CDC45: variants seen among roughly 807,000 people sequenced by gnomAD.
The protein encoded by CDC45 is cell division control protein 45 homolog.
CDC45 carries 54 observed loss-of-function variants against 77.8 expected under a neutral mutation model. The ratio of observed to expected loss-of-function variants is 0.69; its 90% CI spans 0.56 to 0.87. CDC45 has a LOEUF of 0.87. Among genes scored for constraint, CDC45 ranks in the 40% least tolerant of loss-of-function variants. CDC45 has a pLI of 0.00. For missense variants in CDC45, 649 were observed against 721.6 expected, an observed-to-expected ratio of 0.90 and a Z score of 1.15; for synonymous variants, 260 against 272.1, an observed-to-expected ratio of 0.96 and a Z score of 0.44.
At chr22:19,519,700 G>A (rs747360101) in intron 18 of CDC45, among the ~76,000 whole-genome samples, 20 of 152,180 alleles carry the variant, frequency 1.3e-4, no homozygotes, top group Admixed American at 9.2e-4. Flanking sequence ...CCATCCGTCC[G>A]TCCATCCATC....
chr22:19,492,008 G>A (rs556437278), intron 5 of CDC45, among the ~76,000 whole-genome samples: 1 of 152,154 alleles, frequency 6.6e-6, no homozygotes, highest in East Asian at 1.9e-4. Flanking sequence ...GTTTTTCCAT[G>A]TTGGCCAGGC....
intron 3 of CDC45, 76 bp from the exon 4 acceptor site, chr22:19,482,614 C>G: frequency 6.7e-6 from 10 of 1,485,384 alleles, no homozygotes; most frequent in Non-Finnish European, 9.2e-6. Flanking sequence ...TTAAGCAGAA[C>G]AACTCAGAGG....
chr22:19,487,429 A>C (rs2090087970), intron 5 of CDC45, among the ~76,000 whole-genome samples: 1 of 151,456 alleles, frequency 6.6e-6, no homozygotes, highest in Non-Finnish European at 1.5e-5. Context: ...GGGAGGCTAG[A>C]GTGGGAGGAT....
Position 19,497,388 on chromosome 22 carries a change from A to G in CDC45, c.594A>G (p.Ser198=), listed in dbSNP as rs750671131. The change falls in exon 8 of 19, where the codon TCA becomes TCG. Residue 198 remains serine (S), a splice_region_variant and synonymous_variant. Coordinates refer to ENST00000263201, the MANE Select transcript of CDC45 (RefSeq NM_003504.5). ...YEQYEYHGTS[S]AMVMFELAWM... Reference sequence around the variant, plus strand: ...TAGACTTCTCTGCTTCCTTACAGTCAGCCATGGTGATGTTTGAGCTGGCTT... The same window carrying G: ...TAGACTTCTCTGCTTCCTTACAGTCGGCCATGGTGATGTTTGAGCTGGCTT... The G allele has an allele frequency of 1.2e-6, 2 of 1,613,956 alleles. No homozygotes were observed. Among genetic ancestry groups the G allele is most frequent in the African/African-American group, 2.7e-5 (2 of 74,934 alleles).
rs913329845 is a variant in CDC45 at position 19,494,363 on chromosome 22, C to T, written c.523C>T (p.Arg175Ter). 7.4e-6 allele frequency: 12 copies of T among 1,613,366 alleles called. No individual in the cohort carries two copies. The highest frequency in any genetic ancestry group is 4.0e-5 in the African/African-American group (3 of 75,004). Reference sequence around the variant, plus strand: ...GCAAACCATGCGGAGGAGGCAGCGGCGAGAGTGGGAGGCCCGGAGGTGAGT... The same window carrying T: ...GCAAACCATGCGGAGGAGGCAGCGGTGAGAGTGGGAGGCCCGGAGGTGAGT... ...VEQTMRRRQR[R>*]EWEARRRDIL... The change falls in exon 6 of 19, where the codon CGA becomes TGA. Residue 175 changes from arginine to a stop codon, truncating the protein, a stop_gained. Coordinates refer to ENST00000263201, the MANE Select transcript of CDC45 (RefSeq NM_003504.5). LOFTEE classifies it high-confidence loss of function.
chr22:19,506,266 G>A (rs902295907), intron 10 of CDC45, among the ~76,000 whole-genome samples: 21 of 152,276 alleles, frequency 1.4e-4, no homozygotes, highest in African/African-American at 5.1e-4. Flanking sequence ...CGGAGCCTGG[G>A]GAGCGGGGTG....
chr22:19,500,874 G>C (rs2090329068), intron 9 of CDC45, among the ~76,000 whole-genome samples: 1 of 152,160 alleles, frequency 6.6e-6, no homozygotes, highest in Admixed American at 6.5e-5. Context: ...TGGACCGCCT[G>C]GTCCTATAAC....
At chr22:19,486,694 T>TA (rs1035600208) in intron 5 of CDC45, among the ~76,000 whole-genome samples, 7 of 152,236 alleles carry the variant, frequency 4.6e-5, no homozygotes, top group East Asian at 1.9e-4. Context: ...TATATATATA[T>TA]TTTTTTGAGA....
intron 11 of CDC45, 92 bp downstream of exon 11, chr22:19,507,609 A>G: frequency 6.5e-7 from 1 of 1,529,922 alleles, no homozygotes; most frequent in South Asian, 1.1e-5. Context: ...TAGTTATAAA[A>G]TGCAGCCTGT....
Position 19,480,156 on chromosome 22 carries a change from A to G in CDC45, c.52-2A>G. ...TTCAGCCGGTCTGCTCTTCCCCGAT[A>G]GAGGGTCCTTCTCTTCGTGGCCTCG... On this transcript the variant is annotated splice_acceptor_variant, in intron 1 of 18. Coordinates refer to ENST00000263201, the MANE Select transcript of CDC45 (RefSeq NM_003504.5). LOFTEE classifies it high-confidence loss of function. 1 of 1,614,020 alleles carries G rather than the reference A, an allele frequency of 6.2e-7. No individual in the cohort carries two copies. The highest frequency in any genetic ancestry group is 8.5e-7 in the Non-Finnish European group (1 of 1,179,936).
chr22:19,492,166 CA>C (rs1460893586), intron 5 of CDC45, among the ~76,000 whole-genome samples: 1 of 152,060 alleles, frequency 6.6e-6, no homozygotes, highest in Non-Finnish European at 1.5e-5. Flanking sequence ...GTTTTCAGTG[CA>C]CCCTCTTTCT....
intron 3 of CDC45, 80 bp from the exon 4 acceptor site, chr22:19,482,610 A>G: frequency 1.4e-6 from 2 of 1,464,006 alleles, no homozygotes; most frequent in Non-Finnish European, 9.4e-7. Context: ...GAGTTTAAGC[A>G]GAACAACTCA....
intron 5 of CDC45, among the ~76,000 whole-genome samples, chr22:19,488,443 G>A (rs2090106178): frequency 1.3e-5 from 2 of 152,212 alleles, no homozygotes; most frequent in South Asian, 4.1e-4. Flanking sequence ...AGCACCTGCA[G>A]GGTCTCTCCA....
Position 19,483,863 on chromosome 22 carries a change from T to G in CDC45, c.344T>G (p.Ile115Ser). The G allele has an allele frequency of 6.2e-7, 1 of 1,611,892 alleles. No individual in the cohort carries two copies. Among genetic ancestry groups the G allele is most frequent in the Non-Finnish European group, 8.5e-7 (1 of 1,179,330 alleles). The change falls in exon 5 of 19, where the codon ATC becomes AGC. Residue 115 changes from isoleucine to serine, a missense_variant and splice_region_variant. Transcript: ENST00000263201. ...NVVNVYNDTQ[I>S]KLLIKQDDDL... ...AATTCCTTTTTGTTTTGAACTTAGA[T>G]CAAATTACTCATTAAACAAGATGAT...
Position 19,483,868 on chromosome 22 carries a change from T to G in CDC45, c.349T>G (p.Leu117Val), listed in dbSNP as rs575366448. ...CTTTTTGTTTTGAACTTAGATCAAA[T>G]TACTCATTAAACAAGATGATGACCT... ...VNVYNDTQIKLLIKQDDDLEV... is the reference protein window; with the variant it reads ...VNVYNDTQIKVLIKQDDDLEV... The change falls in exon 5 of 19, where the codon TTA (leucine) becomes GTA (valine). Residue 117 changes from leucine (L) to valine (V), a missense_variant. Coordinates refer to ENST00000263201, the MANE Select transcript of CDC45 (RefSeq NM_003504.5). The G allele has an allele frequency of 1.2e-6, 2 of 1,612,122 alleles. No homozygotes were observed. Among genetic ancestry groups the G allele is most frequent in the Non-Finnish European group, 1.7e-6 (2 of 1,179,436 alleles).
chr22:19,479,890 C>T, upstream of CDC45: 4 of 1,413,268 alleles, frequency 2.8e-6, no homozygotes, highest in South Asian at 1.1e-5. Flanking sequence ...TCGGAGGAGC[C>T]GTGATTTGGC....
chr22:19,516,592 C>T lies in CDC45; in HGVS notation c.1506C>T (p.Gly502=). 6.2e-7 allele frequency: 1 copy of T among 1,614,070 alleles called. No homozygotes were observed. Among genetic ancestry groups the T allele is most frequent in the Non-Finnish European group, 8.5e-7 (1 of 1,179,988 alleles). ...VMAAPLSMEH[G]TVTVVGIPPE... is the part of the protein sequence containing the mutation. ...CTGCCCCCCTGAGCATGGAGCATGG[C>T]ACAGTGACCGTGGTGGGCATCCCCC... The change falls in exon 16 of 19, where the codon GGC becomes GGT. Residue 502 remains glycine (G), a synonymous_variant. Coordinates refer to ENST00000263201, the MANE Select transcript of CDC45 (RefSeq NM_003504.5).
chr22:19,482,873 A>G (rs2090006289), intron 4 of CDC45, 46 bp downstream of exon 4: 3 of 1,581,486 alleles, frequency 1.9e-6, no homozygotes, highest in Non-Finnish European at 2.6e-6. Flanking sequence ...TTTTTATGCC[A>G]TGTACAATGT....
chr22:19,480,826 A>G, intron 2 of CDC45, 127 bp from the exon 3 acceptor site: 2 of 601,394 alleles, frequency 3.3e-6, no homozygotes, highest in Non-Finnish European at 5.9e-6. Context: ...TCCCGTAAGC[A>G]TTTCACTAGC....
Sources: allele counts gnomAD v4.1 joint callset (sites outside exome capture counted in the v4.1 genomes callset), GRCh38; gene constraint gnomAD v4.1.1; transcripts MANE v1.5; gene names NCBI Gene and HGNC (gene_info 2026-07-23, HGNC 2026-07-21).